Variants in DLG2 observed in about 807,000 individuals in gnomAD.
The protein encoded by DLG2 is disks large homolog 2.
A neutral mutation model predicts 132.5 loss-of-function variants in DLG2; 45 were observed. That is an observed-to-expected ratio of 0.34 (90% CI 0.27 to 0.44). The LOEUF is 0.44. Ranked by LOEUF, DLG2 falls within the 20% of genes least tolerant of loss-of-function variation. The pLI is 1.00. For missense variants in DLG2, 1,045 were observed against 1,196.9 expected (o/e 0.87, Z 1.87); for synonymous variants, 424 against 419.6 (o/e 1.01, Z -0.13).
intron 7 of DLG2, among the ~76,000 whole-genome samples, chr11:84,385,267 T>C (rs2098765207): frequency 6.6e-6 from 1 of 152,104 alleles, no homozygotes; most frequent in African/African-American, 2.4e-5. Flanking sequence ...AGAGGCATAC[T>C]CTTGTCTTTA....
chr11:85,392,714 G>A (rs2086908853), intron 3 of DLG2, among the ~76,000 whole-genome samples: 1 of 152,024 alleles, frequency 6.6e-6, no homozygotes, highest in South Asian at 2.1e-4. Flanking sequence ...AAATCATAAA[G>A]TGGGAAAAGG....
intron 11 of DLG2, among the ~76,000 whole-genome samples, chr11:83,997,200 T>C (rs1474288881): frequency 2.0e-5 from 3 of 152,136 alleles, no homozygotes; most frequent in Non-Finnish European, 4.4e-5. Flanking sequence ...TTTCTGACTA[T>C]ACATTTAAAA....
intron 3 of DLG2, among the ~76,000 whole-genome samples, chr11:85,566,301 T>C (rs2077521493): frequency 6.6e-6 from 1 of 152,176 alleles, no homozygotes; most frequent in African/African-American, 2.4e-5. Context: ...GGGCTGCCTT[T>C]TAACTTTCCT....
intron 6 of DLG2, among the ~76,000 whole-genome samples, chr11:84,881,369 C>G (rs530720820): frequency 9.9e-5 from 15 of 152,136 alleles, no homozygotes; most frequent in Non-Finnish European, 1.8e-4. Context: ...CTCCTCCTCT[C>G]TCTCAGGCTG....
intron 18 of DLG2, among the ~76,000 whole-genome samples, chr11:83,719,148 T>C (rs1235006844): frequency 6.6e-6 from 1 of 152,210 alleles, no homozygotes; most frequent in African/African-American, 2.4e-5. Flanking sequence ...GTGACTCTTA[T>C]TTGGTGTCTT....
chr11:85,483,873 T>C (rs2093357147), intron 3 of DLG2, among the ~76,000 whole-genome samples: 1 of 145,408 alleles, frequency 6.9e-6, no homozygotes, highest in South Asian at 2.2e-4. Context: ...GAACCCAGGA[T>C]GCAGAGGTTG....
At chr11:84,643,673 C>A in intron 6 of DLG2, among the ~76,000 whole-genome samples, 1 of 152,088 alleles carries the variant, frequency 6.6e-6, no homozygotes, top group East Asian at 1.9e-4. Context: ...TTTGGGTTTT[C>A]TGTTTGTTTT....
chr11:85,005,393 C>T (rs917615323), intron 6 of DLG2, among the ~76,000 whole-genome samples: 1 of 152,074 alleles, frequency 6.6e-6, no homozygotes, highest in African/African-American at 2.4e-5. Context: ...TGTGTCCTCT[C>T]TTATTTCCTT....
chr11:85,114,303 G>A (rs1299882822), intron 5 of DLG2, among the ~76,000 whole-genome samples: 7 of 151,896 alleles, frequency 4.6e-5, no homozygotes, highest in Non-Finnish European at 1.0e-4. Flanking sequence ...TAAACACTAG[G>A]GGAAAGGACA....
At chr11:84,680,277 G>C (rs1255017953) in intron 6 of DLG2, among the ~76,000 whole-genome samples, 1 of 152,008 alleles carries the variant, frequency 6.6e-6, no homozygotes. Flanking sequence ...CTTTTACCCT[G>C]TCACAATTCT....
intron 3 of DLG2, among the ~76,000 whole-genome samples, chr11:85,535,704 C>G (rs1370249310): frequency 6.6e-6 from 1 of 152,058 alleles, no homozygotes; most frequent in East Asian, 1.9e-4. Context: ...CAGCATTATT[C>G]AAAATAGCCA....
chr11:85,163,167 G>T (rs1439878464), intron 4 of DLG2, among the ~76,000 whole-genome samples: 5 of 151,696 alleles, frequency 3.3e-5, no homozygotes, highest in African/African-American at 1.2e-4. Context: ...CCTTGTGATT[G>T]TGTGAGTTAA....
intron 6 of DLG2, among the ~76,000 whole-genome samples, chr11:84,945,928 C>T (rs1457571521): frequency 2.6e-5 from 4 of 151,986 alleles, no homozygotes; most frequent in Admixed American, 6.6e-5. Flanking sequence ...CAAGACAAAA[C>T]CCTTCTCACT....
At chr11:84,224,277 G>A (rs1405085874) in intron 8 of DLG2, among the ~76,000 whole-genome samples, 2 of 152,224 alleles carry the variant, frequency 1.3e-5, no homozygotes, top group East Asian at 1.9e-4. Flanking sequence ...CCAGCTAACA[G>A]TCAGATGCCC....
chr11:85,254,121 C>T (rs987948623), intron 4 of DLG2, among the ~76,000 whole-genome samples: 1 of 152,140 alleles, frequency 6.6e-6, no homozygotes, highest in African/African-American at 2.4e-5. Context: ...AGGGTGGGGC[C>T]CTCACTGGGG....
chr11:85,461,282 G>T (rs1183356809), intron 3 of DLG2, among the ~76,000 whole-genome samples: 2 of 152,136 alleles, frequency 1.3e-5, no homozygotes, highest in Non-Finnish European at 2.9e-5. Flanking sequence ...TACTCCATTT[G>T]AATGTGTCAG....
intron 3 of DLG2, among the ~76,000 whole-genome samples, chr11:85,494,894 T>TA (rs34232264): frequency 0.8 from 120,427 of 151,296 alleles, 49,435 homozygotes; most frequent in Non-Finnish European, 0.91. Flanking sequence ...AGTGATACCA[T>TA]AAAAAAAACA....
chr11:84,929,107 A>G (rs559207949), intron 6 of DLG2, among the ~76,000 whole-genome samples: 1 of 148,576 alleles, frequency 6.7e-6, no homozygotes, highest in East Asian at 2.0e-4. Flanking sequence ...TGATCCTTAC[A>G]TAAGCCCTAA....
intron 18 of DLG2, among the ~76,000 whole-genome samples, chr11:83,636,931 T>C (rs1435473619): frequency 1.3e-5 from 2 of 152,150 alleles, no homozygotes; most frequent in Non-Finnish European, 2.9e-5. Context: ...CAGAGGTGCT[T>C]ATCTGTCTCT....
Sources: gnomAD v4.1 joint callset for allele counts (sites outside exome capture counted in the v4.1 genomes callset) on GRCh38, gnomAD v4.1.1 for gene constraint, MANE v1.5 for transcripts, NCBI Gene and HGNC (gene_info 2026-07-23, HGNC 2026-07-21) for gene names.